TMCO5A: variants seen among roughly 807,000 people sequenced by gnomAD.
TMCO5A encodes transmembrane and coiled-coil domain-containing protein 5A.
Under a neutral mutation model 42.3 loss-of-function variants are expected in TMCO5A, and 34 were observed. The ratio of observed to expected loss-of-function variants is 0.80; its 90% confidence interval spans 0.61 to 1.07. TMCO5A has a LOEUF of 1.07. Ranked by LOEUF, TMCO5A falls within the 50% of genes least tolerant of loss-of-function variation. The pLI is 0.00. For synonymous variants in TMCO5A, 131 were observed against 115.6 expected, an observed-to-expected ratio of 1.13 and a Z score of -0.86; for missense variants, 357 against 327.9, an observed-to-expected ratio of 1.09 and a Z score of -0.69.
At chr15:37,973,885 G>A in the TMCO5A span, among the ~76,000 whole-genome samples, 2 of 151,714 alleles carry the variant, frequency 1.3e-5, no homozygotes, top group East Asian at 3.8e-4. Context: ...TCAGTATGAT[G>A]TTTGCTGTGG....
intron 11 of TMCO5A, among the ~76,000 whole-genome samples, chr15:37,958,038 T>C (rs1486927199): frequency 6.6e-6 from 1 of 152,222 alleles, no homozygotes; most frequent in Non-Finnish European, 1.5e-5. Flanking sequence ...GCTAGCCATA[T>C]GTAGAAAGCT....
the TMCO5A span, among the ~76,000 whole-genome samples, chr15:38,021,692 A>G: frequency 1.2e-4 from 19 of 152,332 alleles, no homozygotes; most frequent in African/African-American, 4.6e-4. Flanking sequence ...GATAAAATTT[A>G]AAAATCAGTC....
At chr15:37,988,226 A>G in the TMCO5A span, among the ~76,000 whole-genome samples, 1 of 151,874 alleles carries the variant, frequency 6.6e-6, no homozygotes, top group Admixed American at 6.6e-5. Context: ...TTCATTTATT[A>G]TTTTAACAAT....
the TMCO5A span, among the ~76,000 whole-genome samples, chr15:38,013,311 G>A: frequency 6.7e-6 from 1 of 149,948 alleles, no homozygotes; most frequent in Non-Finnish European, 1.5e-5. Context: ...AAGCACCACA[G>A]GAAGGAGGGA....
At chr15:37,947,537 T>C in intron 10 of TMCO5A, 119 bp from the exon 11 acceptor site, 2 of 691,864 alleles carry the variant, frequency 2.9e-6, no homozygotes, top group Non-Finnish European at 5.0e-6. Flanking sequence ...CTTATGCATA[T>C]AAAAAGAATT....
At chr15:37,978,516 G>A in the TMCO5A span, among the ~76,000 whole-genome samples, 3 of 152,120 alleles carry the variant, frequency 2.0e-5, no homozygotes, top group African/African-American at 4.8e-5. Flanking sequence ...CTCTCCATAG[G>A]GTGGCTATGA....
intron 6 of TMCO5A, among the ~76,000 whole-genome samples, chr15:37,939,934 A>T (rs556371007): frequency 2.6e-5 from 4 of 152,174 alleles, no homozygotes; most frequent in African/African-American, 9.6e-5. Context: ...CCTAGATCAA[A>T]GTGGGAACAG....
Position 37,947,696 on chromosome 15 carries a change from A to G in TMCO5A, c.668A>G (p.Lys223Arg), listed in dbSNP as rs754885248. Residue 223 changes from lysine to arginine, a missense_variant and splice_region_variant, in exon 11 of 12, where the codon AAG (lysine) becomes AGG (arginine). Physicochemically the swap from Lys to Arg is conservative, Grantham distance 26. Coordinates refer to ENST00000319669, the MANE Select transcript of TMCO5A (RefSeq NM_152453.4). ...TQKTARLFSK[K>R]IFCCLFFITL... ...AAGACAGCAAGATTATTCAGTAAAA[A>G]GTAAGTAAAATATCTTCAGGTAAAC... The G allele has an allele frequency of 6.3e-7, 1 of 1,592,696 alleles. No homozygotes were observed. Among genetic ancestry groups the G allele is most frequent in the Non-Finnish European group, 8.6e-7 (1 of 1,164,416 alleles).
At chr15:37,952,175 T>C (rs1890175748), downstream of TMCO5A, among the ~76,000 whole-genome samples, 1 of 152,050 alleles carries the variant, frequency 6.6e-6, no homozygotes, top group Non-Finnish European at 1.5e-5. Flanking sequence ...TTGAAATTCC[T>C]AGGTGAGTCC....
chr15:37,947,575 C>A, intron 10 of TMCO5A, 81 bp from the exon 11 acceptor site: 2 of 914,328 alleles, frequency 2.2e-6, no homozygotes, highest in Non-Finnish European at 3.5e-6. Flanking sequence ...TAACATATAA[C>A]TAATGGCTCA....
intron 11 of TMCO5A, among the ~76,000 whole-genome samples, chr15:37,948,084 G>A (rs189696677): frequency 1.3e-5 from 2 of 152,172 alleles, no homozygotes; most frequent in Non-Finnish European, 2.9e-5. Context: ...TCACATGCTA[G>A]TATACCACTG....
the TMCO5A span, among the ~76,000 whole-genome samples, chr15:37,988,197 T>C: frequency 6.6e-6 from 1 of 152,140 alleles, no homozygotes; most frequent in African/African-American, 2.4e-5. Flanking sequence ...TTATTTTTGT[T>C]TCCTGCTACT....
chr15:37,989,302 A>T, the TMCO5A span, among the ~76,000 whole-genome samples: 1 of 151,928 alleles, frequency 6.6e-6, no homozygotes, highest in African/African-American at 2.4e-5. Flanking sequence ...TTAAACAAAA[A>T]AATTTCTGCT....
chr15:38,028,424 G>A, the TMCO5A span, among the ~76,000 whole-genome samples: 10 of 152,248 alleles, frequency 6.6e-5, no homozygotes, highest in East Asian at 1.9e-4. Flanking sequence ...TAATTCAGCC[G>A]ATCTCAAGGC....
rs752899178 is a variant in TMCO5A at position 37,941,692 on chromosome 15, G to C, written c.466G>C (p.Val156Leu). The C allele has an allele frequency of 6.2e-7, 1 of 1,611,738 alleles. No homozygotes were observed. The highest frequency in any genetic ancestry group is 2.2e-5 in the East Asian group (1 of 44,806). ...CTAGGTAATGAAGGAGTATGCATTT[G>C]TGACCCAGCTCTGTGAAGATCAAGC... Reference protein sequence around the residue: ...LLKVMKEYAFVTQLCEDQALY... With the variant: ...LLKVMKEYAFLTQLCEDQALY... Residue 156 changes from valine (V) to leucine (L), a missense_variant, in exon 8 of 12, where the codon GTG becomes CTG. Transcript: ENST00000319669.
the TMCO5A span, among the ~76,000 whole-genome samples, chr15:38,007,142 C>G: frequency 6.6e-6 from 1 of 152,114 alleles, no homozygotes; most frequent in Non-Finnish European, 1.5e-5. Flanking sequence ...AGACAGCAGG[C>G]TGAGTTTTGC....
intron 11 of TMCO5A, among the ~76,000 whole-genome samples, chr15:37,964,518 A>G (rs1186462243): frequency 1.3e-5 from 2 of 151,926 alleles, no homozygotes; most frequent in African/African-American, 2.4e-5. Context: ...GAGCCTCTGC[A>G]TGCTTCTCTC....
chr15:37,945,619 TG>T (rs1282216411), intron 10 of TMCO5A, among the ~76,000 whole-genome samples: 5 of 152,202 alleles, frequency 3.3e-5, no homozygotes, highest in Admixed American at 6.6e-5. Context: ...ATTTCTCTAA[TG>T]ATCAGTAATG....
At chr15:38,011,334 T>G in the TMCO5A span, among the ~76,000 whole-genome samples, 1 of 152,180 alleles carries the variant, frequency 6.6e-6, no homozygotes, top group African/African-American at 2.4e-5. Flanking sequence ...GTCACACGTG[T>G]CCCTTCATAC....
Sources: gnomAD v4.1 joint callset for allele counts (sites outside exome capture counted in the v4.1 genomes callset) on GRCh38, gnomAD v4.1.1 for gene constraint, MANE v1.5 for transcripts, NCBI Gene and HGNC (gene_info 2026-07-23, HGNC 2026-07-21) for gene names.